Variants in CNGB1 observed in about 807,000 individuals in gnomAD.
CNGB1 encodes the protein cyclic nucleotide gated channel subunit beta 1.
A neutral mutation model predicts 151.7 loss-of-function variants in CNGB1; 126 were observed. That is an observed-to-expected ratio of 0.83 (90% CI 0.72 to 0.96). CNGB1 has a LOEUF of 0.96. CNGB1 is among the 40% of genes least tolerant of loss of function. The pLI is 0.00. For synonymous variants in CNGB1, 623 were observed against 635.1 expected, an observed-to-expected ratio of 0.98 and a Z score of 0.29; for missense variants, 1,698 against 1,627.0, an observed-to-expected ratio of 1.04 and a Z score of -0.75.
chr16:57,912,649 TTG>T (rs1470290007), intron 24 of CNGB1, among the ~76,000 whole-genome samples: 3 of 151,012 alleles, frequency 2.0e-5, no homozygotes, highest in Non-Finnish European at 4.4e-5. Flanking sequence ...ACTGCATGTG[TTG>T]TGTGTTGTGT....
chr16:57,883,920 T>C lies in CNGB1; in HGVS notation c.*244A>G, dbSNP rs112033454. ...AGGAAAAGGTAGGGCTCTCAAATGA[T>C]AGTGAGAGCTCAGGGACTCGAACAC... On this transcript the variant is annotated 3_prime_UTR_variant, in exon 33 of 33. Transcript: ENST00000251102. 6.0e-3 allele frequency: 3,557 copies of C among 597,690 alleles called. 94 individuals are homozygous for C. The highest frequency in any genetic ancestry group is 0.059 in the African/African-American group (3,163 of 53,810). 37.0% of individuals were successfully genotyped at this position (597,690 alleles called of 1,614,324 possible).
rs201607403 is a variant in CNGB1 at position 57,960,965 on chromosome 16, G to A, written c.459-50C>T. 29 of 1,561,592 alleles carry A rather than the reference G, an allele frequency of 1.9e-5. No individual in the cohort carries two copies. In the East Asian group the frequency reaches 3.6e-4, roughly 19 times the overall value. On this transcript the variant is annotated intron_variant, in intron 7 of 32. Coordinates refer to ENST00000251102, the MANE Select transcript of CNGB1 (RefSeq NM_001297.5). ...GAGTGCCCTGAGGGAACCGGCCAGC[G>A]CACTAACAGCCCACCTCGGGGCCAG...
chr16:57,964,729 C>T (rs1426677541), intron 2 of CNGB1, among the ~76,000 whole-genome samples, 185 bp from the exon 3 acceptor site: 2 of 152,180 alleles, frequency 1.3e-5, no homozygotes, highest in African/African-American at 4.8e-5. Context: ...TCCTCCTAGC[C>T]CCAGGGACCC....
At chr16:57,924,223 C>T (rs1961124124) in intron 17 of CNGB1, among the ~76,000 whole-genome samples, 1 of 152,040 alleles carries the variant, frequency 6.6e-6, no homozygotes. Context: ...CCCTCTGTCC[C>T]AGCAGAGAGA....
intron 1 of CNGB1, among the ~76,000 whole-genome samples, chr16:57,970,351 C>A (rs1962509197): frequency 6.6e-6 from 1 of 152,140 alleles, no homozygotes; most frequent in Non-Finnish European, 1.5e-5. Context: ...CATACTCATC[C>A]TCGCTCTCAC....
At chr16:57,929,558 A>G (rs1396955123) in intron 17 of CNGB1, among the ~76,000 whole-genome samples, 1 of 152,192 alleles carries the variant, frequency 6.6e-6, no homozygotes, top group Non-Finnish European at 1.5e-5. Context: ...TTAACAGGAA[A>G]TATAACTGGG....
chr16:57,962,750 G>A (rs1239133571), intron 6 of CNGB1, 92 bp downstream of exon 6: 2 of 1,585,538 alleles, frequency 1.3e-6, no homozygotes, highest in South Asian at 1.1e-5. Context: ...GATCCAGCCT[G>A]GGCAGAGGCT....
intron 14 of CNGB1, among the ~76,000 whole-genome samples, chr16:57,947,776 C>T (rs1194396761): frequency 1.3e-5 from 2 of 152,166 alleles, no homozygotes; most frequent in Non-Finnish European, 1.5e-5. Flanking sequence ...CACTGGGGGA[C>T]GAGAACATCA....
chr16:57,965,795 A>G (rs1962381405), intron 2 of CNGB1, among the ~76,000 whole-genome samples: 1 of 152,208 alleles, frequency 6.6e-6, no homozygotes, highest in African/African-American at 2.4e-5. Context: ...ACATACTAAT[A>G]CATGTGCACA....
At chr16:57,915,362 G>A (rs1335619547) in intron 22 of CNGB1, 27 bp from the exon 23 acceptor site, 1 of 1,561,018 alleles carries the variant, frequency 6.4e-7, no homozygotes, top group Non-Finnish European at 8.8e-7. Flanking sequence ...ACACCATGGG[G>A]GTAAAACGGA....
intron 14 of CNGB1, among the ~76,000 whole-genome samples, chr16:57,944,382 G>C (rs2149378697): frequency 6.6e-6 from 1 of 152,270 alleles, no homozygotes; most frequent in South Asian, 2.1e-4. Flanking sequence ...GGCTGGGGAG[G>C]GGTGAGAGGT....
rs1223378328 is a variant in CNGB1, at chr16:57,897,868, T to G, written c.3023A>C (p.Gln1008Pro). 1 of 1,614,078 alleles carries G rather than the reference T, an allele frequency of 6.2e-7. No individual in the cohort carries two copies. Among genetic ancestry groups the G allele is most frequent in the African/African-American group, 1.3e-5 (1 of 74,924 alleles). ...TTTCCCATCAGGGCCGCCCAAGACCTGCACTTGCCCTGCCTGGATGATGTA... is the reference window on the plus strand; with the variant it reads ...TTTCCCATCAGGGCCGCCCAAGACCGGCACTTGCCCTGCCTGGATGATGTA... ...EMYIIQAGQVQVLGGPDGKSV... is the reference protein window; with the variant it reads ...EMYIIQAGQVPVLGGPDGKSV... The change falls in exon 30 of 33, where the codon CAG (glutamine) becomes CCG (proline). Residue 1008 changes from glutamine to proline, a missense_variant. By Grantham distance (76) the Gln-to-Pro change is moderately conservative. Transcript: ENST00000251102.
intron 12 of CNGB1, among the ~76,000 whole-genome samples, chr16:57,953,125 C>G (rs1490295307): frequency 1.3e-5 from 2 of 152,188 alleles, no homozygotes; most frequent in Non-Finnish European, 2.9e-5. Flanking sequence ...GCCACTCCAC[C>G]CTGGCACACC....
chr16:57,919,340 G>A (rs1227253482), intron 19 of CNGB1, 86 bp from the exon 20 acceptor site: 1 of 1,609,708 alleles, frequency 6.2e-7, no homozygotes, highest in East Asian at 2.2e-5. Flanking sequence ...TGCAGACCTT[G>A]GATCCAGATC....
chr16:57,908,383 G>A (rs1960614312), intron 25 of CNGB1, among the ~76,000 whole-genome samples: 2 of 152,260 alleles, frequency 1.3e-5, no homozygotes, highest in Admixed American at 1.3e-4. Context: ...AGGGCCTGGG[G>A]GTAGACAGCT....
chr16:57,959,858 G>A, intron 10 of CNGB1, 30 bp downstream of exon 10: 1 of 1,480,890 alleles, frequency 6.8e-7, no homozygotes, highest in Non-Finnish European at 9.0e-7. Flanking sequence ...CTGCTCCCTG[G>A]TGGGAGGCGC....
At chr16:57,889,459 T>C (rs1596947541) in intron 31 of CNGB1, among the ~76,000 whole-genome samples, 1 of 152,180 alleles carries the variant, frequency 6.6e-6, no homozygotes, top group Non-Finnish European at 1.5e-5. Context: ...CATGTGATCC[T>C]GGAAGTGGGT....
chr16:57,904,468 G>T (rs559271478), intron 26 of CNGB1, among the ~76,000 whole-genome samples: 1 of 152,074 alleles, frequency 6.6e-6, no homozygotes, highest in South Asian at 2.1e-4. Flanking sequence ...CTTCTCCCTC[G>T]GTCTCTGCAG....
intron 1 of CNGB1, among the ~76,000 whole-genome samples, chr16:57,970,119 C>T (rs891733892): frequency 2.6e-5 from 4 of 152,200 alleles, no homozygotes; most frequent in Non-Finnish European, 4.4e-5. Context: ...GGGAACACAG[C>T]TCTAAGTGTC....
Sources: gnomAD v4.1 joint callset for allele counts (sites outside exome capture counted in the v4.1 genomes callset) on GRCh38, gnomAD v4.1.1 for gene constraint, MANE v1.5 for transcripts, NCBI Gene and HGNC (gene_info 2026-07-23, HGNC 2026-07-21) for gene names.